KIAA1958: variants seen among roughly 807,000 people sequenced by gnomAD.
KIAA1958 encodes uncharacterized protein KIAA1958.
Under a neutral mutation model 47.2 loss-of-function variants are expected in KIAA1958, and 14 were observed. The ratio of observed to expected loss-of-function variants is 0.30; its 90% CI spans 0.20 to 0.46. The LOEUF is 0.46. Among genes scored for constraint, KIAA1958 ranks in the 20% least tolerant of loss-of-function variants. KIAA1958 has a pLI of 1.00. For missense variants in KIAA1958, 803 were observed against 909.2 expected, an observed-to-expected ratio of 0.88 and a Z score of 1.50; for synonymous variants, 354 against 353.3, an observed-to-expected ratio of 1.00 and a Z score of -0.02.
chr9:112,511,142 A>G (rs1834319210), intron 1 of KIAA1958, among the ~76,000 whole-genome samples: 1 of 152,080 alleles, frequency 6.6e-6, no homozygotes, highest in Non-Finnish European at 1.5e-5. Context: ...ATTTGAAGAG[A>G]TGTTCAGTTA....
chr9:112,495,561 A>C (rs1834039251), intron 1 of KIAA1958, among the ~76,000 whole-genome samples: 1 of 152,262 alleles, frequency 6.6e-6, no homozygotes, highest in Non-Finnish European at 1.5e-5. Flanking sequence ...CTGCACTGCT[A>C]TTCAAAGTGT....
At chr9:112,588,521 C>T (rs532898028) in intron 2 of KIAA1958, among the ~76,000 whole-genome samples, 1 of 152,144 alleles carries the variant, frequency 6.6e-6, no homozygotes, top group Non-Finnish European at 1.5e-5. Context: ...AGCATGCTAC[C>T]GATTAAACTA....
rs1327519634 is a variant in KIAA1958, at chr9:112,525,953, T to C, written c.-25+38835T>C. Among the ~76,000 whole-genome samples, 10 of 31,424 alleles carry C rather than the reference T, an allele frequency of 3.2e-4. 1 individual carries two copies. Among genetic ancestry groups the C allele is most frequent in the Admixed American group, 1.2e-3 (3 of 2,486 alleles). 20.6% of individuals were successfully genotyped at this position (31,424 alleles called of 152,430 possible). On this transcript the variant is annotated intron_variant, in intron 1 of 3. Transcript: ENST00000337530. ...TTCTTCTTCTTCTTCTTCTTCTTCT[T>C]CTTCTTCTTCTTCTTCTTCTTCTTC...
chr9:112,615,141 G>GC (rs988030229), intron 2 of KIAA1958, among the ~76,000 whole-genome samples: 6 of 152,220 alleles, frequency 3.9e-5, no homozygotes, highest in African/African-American at 1.4e-4. Context: ...AGAGGAGGAG[G>GC]CCGGGCATGG....
intron 3 of KIAA1958, among the ~76,000 whole-genome samples, chr9:112,646,917 G>A (rs77994381): frequency 0.017 from 2,540 of 152,332 alleles, 41 homozygotes; most frequent in Non-Finnish European, 0.027. Context: ...CCAACAAAGA[G>A]TTAGGAATGT....
chr9:112,519,069 A>G (rs761338192), intron 1 of KIAA1958, among the ~76,000 whole-genome samples: 1 of 152,174 alleles, frequency 6.6e-6, no homozygotes, highest in Middle Eastern at 3.4e-3. Context: ...AGCTGGTACT[A>G]TAGGCAGGCA....
At chr9:112,635,212 TTTTG>T (rs1357922697) in intron 2 of KIAA1958, among the ~76,000 whole-genome samples, 4 of 130,436 alleles carry the variant, frequency 3.1e-5, no homozygotes, top group Admixed American at 8.6e-5. Context: ...AGATTCTTTA[TTTTG>T]TGTGTGTGTG....
chr9:112,659,829 G>T lies in KIAA1958; in HGVS notation c.1911G>T (p.Met637Ile). 1 of 1,614,108 alleles carries T rather than the reference G, an allele frequency of 6.2e-7. No individual in the cohort carries two copies. The highest frequency in any genetic ancestry group is 8.5e-7 in the Non-Finnish European group (1 of 1,180,018). Residue 637 changes from methionine (M) to isoleucine (I), a missense_variant, in exon 4 of 4, where the codon ATG becomes ATT. Physicochemically the swap from Met to Ile is conservative, Grantham distance 10. Around this residue, in one of 2 missense-constraint regions of KIAA1958, gnomAD observed 761 missense variants for 829.3 expected, o/e 0.92. Transcript: ENST00000337530. ...QCPYCLLYKY[M>I]YIHRPPTQME... ...CTTACTGCCTCCTCTACAAGTACAT[G>T]TACATCCACCGGCCGCCCACCCAAA...
intron 2 of KIAA1958, among the ~76,000 whole-genome samples, chr9:112,605,884 C>T (rs1588036917): frequency 6.6e-6 from 1 of 152,236 alleles, no homozygotes; most frequent in African/African-American, 2.4e-5. Context: ...CACTTATCCT[C>T]TCTGATAACA....
chr9:112,489,896 T>C (rs533559529), intron 1 of KIAA1958, among the ~76,000 whole-genome samples: 2 of 152,386 alleles, frequency 1.3e-5, no homozygotes, highest in African/African-American at 4.8e-5. Context: ...TTAACTGGAA[T>C]GCTCAAATGA....
At chr9:112,599,454 A>G (rs1219354155) in intron 2 of KIAA1958, among the ~76,000 whole-genome samples, 3 of 152,222 alleles carry the variant, frequency 2.0e-5, no homozygotes, top group Non-Finnish European at 1.5e-5. Flanking sequence ...ACTCATTTTT[A>G]GCTTTGAAAA....
At chr9:112,603,137 CAAAT>C (rs1285372705) in intron 2 of KIAA1958, among the ~76,000 whole-genome samples, 1 of 151,810 alleles carries the variant, frequency 6.6e-6, no homozygotes, top group East Asian at 1.9e-4. Context: ...GAAGAAGTAA[CAAAT>C]AGATGTATGG....
At chr9:112,489,013 C>T (rs1587984589) in intron 1 of KIAA1958, among the ~76,000 whole-genome samples, 2 of 152,186 alleles carry the variant, frequency 1.3e-5, no homozygotes, top group South Asian at 4.1e-4. Flanking sequence ...CTTTGACTTC[C>T]AGTCTGCATT....
At chr9:112,558,665 A>G (rs565829391) in intron 1 of KIAA1958, among the ~76,000 whole-genome samples, 3 of 152,338 alleles carry the variant, frequency 2.0e-5, no homozygotes, top group East Asian at 1.9e-4. Flanking sequence ...CACATTCCCA[A>G]CATTGTCACT....
chr9:112,638,081 A>G (rs1836835085), intron 2 of KIAA1958, among the ~76,000 whole-genome samples: 1 of 152,128 alleles, frequency 6.6e-6, no homozygotes, highest in South Asian at 2.1e-4. Flanking sequence ...CCCAAGAGGC[A>G]AAGTTTGCAG....
intron 1 of KIAA1958, among the ~76,000 whole-genome samples, chr9:112,570,938 CG>C (rs1034243508): frequency 5.9e-5 from 9 of 152,158 alleles, no homozygotes; most frequent in Non-Finnish European, 1.0e-4. Flanking sequence ...GAACTGCTGG[CG>C]TAAGTCCCAG....
At chr9:112,504,972 G>A (rs999159061) in intron 1 of KIAA1958, among the ~76,000 whole-genome samples, 9 of 152,082 alleles carry the variant, frequency 5.9e-5, no homozygotes, top group Non-Finnish European at 1.0e-4. Context: ...GCCATCTAAC[G>A]TTGAATTTAT....
chr9:112,497,033 G>A (rs1834060397), intron 1 of KIAA1958, among the ~76,000 whole-genome samples: 2 of 152,010 alleles, frequency 1.3e-5, no homozygotes, highest in African/African-American at 2.4e-5. Flanking sequence ...CCATCTCTGG[G>A]TGTTTTTATT....
intron 1 of KIAA1958, among the ~76,000 whole-genome samples, chr9:112,532,974 GTA>G (rs1044594841): frequency 7.7e-4 from 117 of 152,108 alleles, no homozygotes; most frequent in African/African-American, 2.6e-3. Flanking sequence ...AATTTTAAAT[GTA>G]TATTTTTTTT....
Sources: gnomAD v4.1 joint callset for allele counts (sites outside exome capture counted in the v4.1 genomes callset) on GRCh38, gnomAD v4.1.1 for gene constraint, gnomAD v4.1.1 regional missense constraint, MANE v1.5 for transcripts, NCBI Gene and HGNC (gene_info 2026-07-23, HGNC 2026-07-21) for gene names.